The following HOOK2 variants were observed in gnomAD, a reference collection of about 807,000 sequenced individuals.
HOOK2 encodes hook microtubule tethering protein 2.
Under a neutral mutation model 111.9 loss-of-function variants are expected in HOOK2, and 108 were observed. The ratio of observed to expected loss-of-function variants is 0.96; its 90% CI spans 0.83 to 1.13. The LOEUF (loss-of-function observed/expected upper bound fraction) is 1.13, where lower values mean the gene tolerates loss of function less well. Among genes scored for constraint, HOOK2 ranks in the 50% most tolerant of loss-of-function variants. HOOK2 has a pLI of 0.00. For missense variants in HOOK2, 978 were observed against 951.3 expected, an observed-to-expected ratio of 1.03 and a Z score of -0.37; for synonymous variants, 405 against 394.3, an observed-to-expected ratio of 1.03 and a Z score of -0.32.
chr19:12,763,484 A>G, intron 22 of HOOK2, 44 bp downstream of exon 22: 3 of 1,613,870 alleles, frequency 1.9e-6, no homozygotes, highest in Non-Finnish European at 2.5e-6. Flanking sequence ...CCCCCCCACC[A>G]ATATTCTACC....
chr19:12,787,693 C>T (rs146519328), intron 3 of HOOK2, among the ~76,000 whole-genome samples: 2,852 of 152,070 alleles, frequency 0.019, 67 homozygotes, highest in Middle Eastern at 0.024. Context: ...TCCTCCCCCT[C>T]GGCCTCCCAA....
In HOOK2 at chr19:12,770,430, G is replaced by A. The variant is rs189614944; in HGVS notation, c.903-348C>T. 1.8e-3 allele frequency among the ~76,000 whole-genome samples: 275 copies of A among 151,762 alleles called. 1 individual carries two copies. The highest frequency in any genetic ancestry group is 6.4e-3 in the African/African-American group (265 of 41,326). ...AGGTATGGGACAAGAGGACTGCGGG[G>A]TCCTTAGAAGTGCAATTGGGGGGTG... On this transcript the variant is annotated intron_variant, in intron 10 of 22. Coordinates refer to ENST00000397668, the MANE Select transcript of HOOK2 (RefSeq NM_013312.3).
At chr19:12,776,833 G>T (rs1555730712), upstream of HOOK2, among the ~76,000 whole-genome samples, 1 of 151,542 alleles carries the variant, frequency 6.6e-6, no homozygotes, top group Non-Finnish European at 1.5e-5. Flanking sequence ...GGGTGACAGA[G>T]CAAGACTCTG....
rs1271239852 is a variant in HOOK2, at chr19:12,763,177, G to A, written c.*105C>T. The A allele has an allele frequency of 8.1e-7, 1 of 1,229,668 alleles. No homozygotes were observed. Among genetic ancestry groups the A allele is most frequent in the Non-Finnish European group, 1.2e-6 (1 of 868,572 alleles). 76.2% of individuals were successfully genotyped at this position (1,229,668 alleles called of 1,614,324 possible). On this transcript the variant is annotated 3_prime_UTR_variant, in exon 23 of 23. Coordinates refer to ENST00000397668, the MANE Select transcript of HOOK2 (RefSeq NM_013312.3). ...GGGAGAGGGAAGAGCAGAGATCATG[G>A]CCTCAAAGCTCTCGAGCACCTGGCT...
Position 12,772,375 on chromosome 19 carries a change from AGCCCAGAGGCT to A in HOOK2, c.457-134_457-124del, listed in dbSNP as rs1968363069. 3.4e-6 allele frequency: 4 copies of A among 1,178,222 alleles called. No homozygotes were observed. In the African/African-American group the frequency reaches 6.0e-5, roughly 18 times the overall value. The allele number at this position is 1,178,222 out of a possible 1,614,324, so 73.0% of individuals were successfully genotyped here. ...AAGGCCAGTTCTGCCCAATAACCCCAGCCCAGAGGCTGCCCTCCTGCCTCCAACACAGAGGG... is the reference window on the plus strand; with the variant it reads ...AAGGCCAGTTCTGCCCAATAACCCCAGCCCTCCTGCCTCCAACACAGAGGG... On this transcript the variant is annotated intron_variant, in intron 6 of 22. Transcript: ENST00000397668.
intron 3 of HOOK2, chr19:12,784,726 C>A (rs1045948226): frequency 6.6e-6 from 1 of 152,356 alleles, no homozygotes; most frequent in African/African-American, 2.4e-5. Context: ...GAGAGCCACA[C>A]GAGAGATATG....
Position 12,771,170 on chromosome 19 carries a change from C to T in HOOK2, c.750G>A (p.Glu250=), listed in dbSNP as rs1161027691. 5.6e-6 allele frequency: 9 copies of T among 1,613,474 alleles called. No individual in the cohort carries two copies. The African/African-American group carries it at 8.0e-5, about 14-fold the overall frequency. Residue 250 remains glutamate (E), a synonymous_variant, in exon 9 of 23, where the codon GAG becomes GAA. Transcript: ENST00000397668. The part of the protein sequence containing the change: ...LLQSQLEQLQ[E]ENFRLESGRE... ...CCAGCTGACCACACCTGAAGTTCTC[C>T]TCCTGCAACTGCTCCAGCTGGGATT...
In HOOK2 at chr19:12,766,008, G is replaced by T; in HGVS notation, c.1518C>A (p.Asn506Lys). Residue 506 changes from asparagine to lysine, a missense_variant, in exon 16 of 23, where the codon AAC (asparagine) becomes AAA (lysine). Coordinates refer to ENST00000397668, the MANE Select transcript of HOOK2 (RefSeq NM_013312.3). The part of the protein sequence containing the change: ...RHGLETQHRL[N>K]QQQLSELRAQ... ...CCCGCAGCTCGGATAGCTGCTGCTG[G>T]TTCAGCCTGCGAGGGTGGGGGGCCG... is the stretch of plus-strand genomic sequence containing the variant. 1.2e-6 allele frequency: 2 copies of T among 1,613,568 alleles called. No individual in the cohort carries two copies. The highest frequency in any genetic ancestry group is 1.7e-6 in the Non-Finnish European group (2 of 1,179,984).
At chr19:12,771,526 G>A (rs755121132) in intron 7 of HOOK2, 49 bp from the exon 8 acceptor site, 3 of 1,507,844 alleles carry the variant, frequency 2.0e-6, no homozygotes, top group Non-Finnish European at 2.7e-6. Context: ...GAGAAGGACG[G>A]GGGGAGGGAG....
rs1312346715 is a variant in HOOK2 at position 12,775,455 on chromosome 19, C to T, written c.-6G>A. ...TCAGCTTTGTCCACGCTCATGGCTCCCGATCGGATTCAATCCAGGCCACGG... is the reference window on the plus strand; with the variant it reads ...TCAGCTTTGTCCACGCTCATGGCTCTCGATCGGATTCAATCCAGGCCACGG... On this transcript the variant is annotated 5_prime_UTR_variant, in exon 1 of 23. Transcript: ENST00000397668. The T allele has an allele frequency of 6.2e-7, 1 of 1,611,546 alleles. No individual in the cohort carries two copies. The highest frequency in any genetic ancestry group is 8.5e-7 in the Non-Finnish European group (1 of 1,179,228).
chr19:12,774,501 C>T, intron 3 of HOOK2, 168 bp downstream of exon 3: 2 of 679,354 alleles, frequency 2.9e-6, no homozygotes, highest in Non-Finnish European at 5.3e-6. Flanking sequence ...TTGCTGAATG[C>T]CCAGGCCTGG....
At chr19:12,787,566 A>C (rs926882099) in intron 3 of HOOK2, among the ~76,000 whole-genome samples, 1 of 151,792 alleles carries the variant, frequency 6.6e-6, no homozygotes, top group African/African-American at 2.4e-5. Flanking sequence ...TGGGAGGTGG[A>C]GGTTGTAGTG....
In HOOK2 at chr19:12,767,458, G is replaced by A. The variant is rs1187827468; in HGVS notation, c.1310C>T (p.Ser437Leu). The A allele has an allele frequency of 1.2e-6, 2 of 1,613,856 alleles. No individual in the cohort carries two copies. Among genetic ancestry groups the A allele is most frequent in the African/African-American group, 1.3e-5 (1 of 75,016 alleles). Residue 437 changes from serine (S) to leucine (L), a missense_variant, in exon 14 of 23, where the codon TCA becomes TTA. Transcript: ENST00000397668. Reference protein sequence around the residue: ...QPRGLTQADPSLDPTSTPVDN... With the variant: ...QPRGLTQADPLLDPTSTPVDN... ...CACGGGTGTGGAGGTGGGATCCAGTGAGGGATCTGAAGAATGCGAGAAAAG... is the reference window on the plus strand; with the variant it reads ...CACGGGTGTGGAGGTGGGATCCAGTAAGGGATCTGAAGAATGCGAGAAAAG...
In HOOK2 at chr19:12,774,816, G is replaced by T. The variant is rs1179648222; in HGVS notation, c.127C>A (p.Gln43Lys). ...CTCCCCTTCAGCTCCACTCACATCT[G>T]GTTCAGCACATAGGCTACGGCAAGG... ...SGLAVAYVLNQIDPSWFNEAW... is the reference protein window; with the variant it reads ...SGLAVAYVLNKIDPSWFNEAW... Residue 43 changes from glutamine (Q) to lysine (K), a missense_variant, in exon 2 of 23, where the codon CAG (glutamine) becomes AAG (lysine). Gln to Lys is a moderately conservative substitution (Grantham distance 53). Around this residue, in one of 5 missense-constraint regions of HOOK2, gnomAD observed 301 missense variants for 286.1 expected, o/e 1.05. Transcript: ENST00000397668. The T allele has an allele frequency of 1.2e-6, 2 of 1,614,088 alleles. No individual in the cohort carries two copies. Among genetic ancestry groups the T allele is most frequent in the Non-Finnish European group, 8.5e-7 (1 of 1,179,956 alleles).
In HOOK2 at chr19:12,772,264, G is replaced by C; in HGVS notation, c.457-12C>G. 3.1e-6 allele frequency: 5 copies of C among 1,613,644 alleles called. No homozygotes were observed. The highest frequency in any genetic ancestry group is 4.2e-6 in the Non-Finnish European group (5 of 1,179,564). On this transcript the variant is annotated splice_polypyrimidine_tract_variant and intron_variant, in intron 6 of 22. Coordinates refer to ENST00000397668, the MANE Select transcript of HOOK2 (RefSeq NM_013312.3). ...TCTTTGGTCATGAGCTGAGGAGTGGGAAGGGGCATTGTAATGAACTGGATA... is the reference window on the plus strand; with the variant it reads ...TCTTTGGTCATGAGCTGAGGAGTGGCAAGGGGCATTGTAATGAACTGGATA...
chr19:12,782,152 G>A (rs1968608769), upstream of HOOK2, among the ~76,000 whole-genome samples: 2 of 152,178 alleles, frequency 1.3e-5, no homozygotes, highest in Non-Finnish European at 2.9e-5. Context: ...CACTGCGCCC[G>A]TCCTATTTTG....
At chr19:12,770,445 A>T (rs1020290481) in intron 10 of HOOK2, among the ~76,000 whole-genome samples, 23 of 151,484 alleles carry the variant, frequency 1.5e-4, no homozygotes, top group African/African-American at 5.6e-4. Flanking sequence ...TAGAAGTGCA[A>T]TTGGGGGGTG....
At chr19:12,781,333 G>T (rs1352901872), upstream of HOOK2, among the ~76,000 whole-genome samples, 1 of 150,276 alleles carries the variant, frequency 6.7e-6, no homozygotes, top group East Asian at 2.0e-4. Context: ...AATAAATAAC[G>T]AAAAAGAAAA....
Position 12,786,891 on chromosome 19 carries a change from G to A in HOOK2, n.42-12666C>T, listed in dbSNP as rs1968663350. Among the ~76,000 whole-genome samples, 1 of 152,220 alleles carries A rather than the reference G, an allele frequency of 6.6e-6. No homozygotes were observed. The highest frequency in any genetic ancestry group is 2.4e-5 in the African/African-American group (1 of 41,456). On this transcript the variant is annotated intron_variant and non_coding_transcript_variant, in intron 3 of 3. Transcript: ENST00000589765. This position sits in a 1 kb window ranked among gnomAD's most constrained non-coding sequence, Gnocchi z 4.3. ...CCCAATTAAAGGAGACCCTCAGTGGGGTGCGGTGGCTCACACCTGTAATCC... is the reference window on the plus strand; with the variant it reads ...CCCAATTAAAGGAGACCCTCAGTGGAGTGCGGTGGCTCACACCTGTAATCC...
Sources: allele counts gnomAD v4.1 joint callset (sites outside exome capture counted in the v4.1 genomes callset), GRCh38; gene constraint gnomAD v4.1.1; regional missense constraint gnomAD v4.1.1; non-coding constraint Gnocchi (gnomAD v3.1); transcripts MANE v1.5; gene names NCBI Gene and HGNC (gene_info 2026-07-23, HGNC 2026-07-21).